Variants in PCDHGA4 observed in about 807,000 individuals in gnomAD.
PCDHGA4 encodes the protein protocadherin gamma subfamily A, 4.
A neutral mutation model predicts 54.6 loss-of-function variants in PCDHGA4; 38 were observed. The ratio of observed to expected loss-of-function variants is 0.70; its 90% CI spans 0.54 to 0.91. The LOEUF is 0.91. Ranked by LOEUF, PCDHGA4 falls within the 40% of genes least tolerant of loss-of-function variation. The pLI is 0.00. For missense variants in PCDHGA4, 1,298 were observed against 1,220.9 expected (o/e 1.06, Z -0.94); for synonymous variants, 511 against 512.9 (o/e 1.00, Z 0.05).
intron 1 of PCDHGA4, chr5:141,405,271 C>T: frequency 3.1e-6 from 5 of 1,614,094 alleles, no homozygotes; most frequent in Non-Finnish European, 4.2e-6. Flanking sequence ...TCCCCCAGCC[C>T]AACTATGCAG....
At chr5:141,443,498 C>G (rs1217918256) in intron 1 of PCDHGA4, among the ~76,000 whole-genome samples, 3 of 152,036 alleles carry the variant, frequency 2.0e-5, no homozygotes, top group Non-Finnish European at 4.4e-5. Context: ...AACAAACAAA[C>G]AAATAAAGAG....
chr5:141,381,826 C>CTTTTTTTTTTTTTTTTTTTTTTTTT (rs770630741), intron 1 of PCDHGA4, among the ~76,000 whole-genome samples: 4 of 74,290 alleles, frequency 5.4e-5, no homozygotes, highest in African/African-American at 1.2e-4. Context: ...CTTTCTTCTT[C>CTTTTTTTTTTTTTTTTTTTTTTTTT]TTTTTTTTTT....
chr5:141,450,150 G>T (rs1314865325), intron 1 of PCDHGA4, among the ~76,000 whole-genome samples: 1 of 150,342 alleles, frequency 6.7e-6, no homozygotes, highest in Non-Finnish European at 1.5e-5. Flanking sequence ...GGGACTACAG[G>T]CATGTGCCAC....
chr5:141,399,173 T>C, intron 1 of PCDHGA4: 1 of 1,613,830 alleles, frequency 6.2e-7, no homozygotes, highest in East Asian at 2.2e-5. Context: ...CATTCTCTAC[T>C]TGAAATGATT....
Position 141,361,067 on chromosome 5 carries a change from T to C in PCDHGA4, c.2514+3446T>C, listed in dbSNP as rs372172777. On this transcript the variant is annotated intron_variant, in intron 1 of 3. Transcript: ENST00000571252. ...ACAAAGGATGATTTGGATTTTGAGA[T>C]TGCAAGTAGTTACACTCTGAGTATC... 4.3e-6 allele frequency: 7 copies of C among 1,613,804 alleles called. 1 individual carries two copies. In the South Asian group the frequency reaches 5.5e-5, roughly 13 times the overall value.
chr5:141,370,192 G>T (rs1346847979), intron 1 of PCDHGA4: 1 of 524,194 alleles, frequency 1.9e-6, no homozygotes, highest in South Asian at 3.7e-5. Flanking sequence ...CTTGGCTAGT[G>T]CTGTGCAAAA....
chr5:141,404,244 C>A (rs1164182551), intron 1 of PCDHGA4: 2 of 1,613,758 alleles, frequency 1.2e-6, no homozygotes, highest in East Asian at 2.2e-5. Context: ...GGAACTCCGC[C>A]CCTGTCCACA....
In PCDHGA4 at chr5:141,432,088, A is replaced by T. The variant is rs144317211; in HGVS notation, c.2515-62719A>T. The T allele has an allele frequency of 2.9e-5, 47 of 1,614,148 alleles. No individual in the cohort carries two copies. In the African/African-American group the frequency reaches 5.7e-4, roughly 20 times the overall value. On this transcript the variant is annotated intron_variant, in intron 1 of 3. Transcript: ENST00000571252. This position sits in a 1 kb window ranked among gnomAD's most constrained non-coding sequence, Gnocchi z 6.0. Reference sequence around the variant, plus strand: ...AAACTCATATCTCGCTGAACGTGGCAGACACCAACGACAACCCGCCGGTCT... The same window carrying T: ...AAACTCATATCTCGCTGAACGTGGCTGACACCAACGACAACCCGCCGGTCT...
chr5:141,395,013 G>A, intron 1 of PCDHGA4: 2 of 1,614,064 alleles, frequency 1.2e-6, no homozygotes, highest in South Asian at 1.1e-5. Flanking sequence ...CAGATTGGTA[G>A]GCGTGCCTGC....
rs1160254496 is a variant in PCDHGA4, at chr5:141,361,417, G to A, written c.2514+3796G>A. The A allele has an allele frequency of 1.9e-6, 3 of 1,613,898 alleles. No individual in the cohort carries two copies. The highest frequency in any genetic ancestry group is 2.7e-5 in the African/African-American group (2 of 74,936). On this transcript the variant is annotated intron_variant, in intron 1 of 3. Coordinates refer to ENST00000571252, the MANE Select transcript of PCDHGA4 (RefSeq NM_018917.4). ...TCTCACCATCACAGCCACCGACGGG[G>A]GCAAGCCGCCCCTCTCCTCCAGCAT...
chr5:141,375,685 C>T (rs1771752072), intron 1 of PCDHGA4: 1 of 1,614,262 alleles, frequency 6.2e-7, no homozygotes, highest in Non-Finnish European at 8.5e-7. Flanking sequence ...GGGTGACAGC[C>T]AGCGACAGCG....
intron 1 of PCDHGA4, chr5:141,390,232 C>A: frequency 6.2e-7 from 1 of 1,614,020 alleles, no homozygotes. Context: ...GGTGATTCAT[C>A]TGGGGCCTTA....
At chr5:141,415,282 G>A in intron 1 of PCDHGA4, 1 of 1,614,224 alleles carries the variant, frequency 6.2e-7, no homozygotes, top group Non-Finnish European at 8.5e-7. Flanking sequence ...AGCGGTGGCC[G>A]CGGTCTCCTG....
intron 1 of PCDHGA4, chr5:141,418,301 C>T: frequency 6.2e-7 from 1 of 1,613,980 alleles, no homozygotes; most frequent in South Asian, 1.1e-5. Context: ...ATCCGTCAGC[C>T]TGGGGATGGG....
At chr5:141,462,648 C>T (rs2099044153) in intron 1 of PCDHGA4, among the ~76,000 whole-genome samples, 1 of 137,364 alleles carries the variant, frequency 7.3e-6, no homozygotes, top group Admixed American at 7.1e-5. Flanking sequence ...TCATTTCCAT[C>T]CTCAATTATC....
chr5:141,459,510 T>G (rs1449866159), intron 1 of PCDHGA4, among the ~76,000 whole-genome samples: 1 of 152,252 alleles, frequency 6.6e-6, no homozygotes, highest in Non-Finnish European at 1.5e-5. Context: ...TGAACAATCA[T>G]GTACAAGTAT....
chr5:141,360,404 T>C, intron 1 of PCDHGA4: 2 of 1,613,934 alleles, frequency 1.2e-6, no homozygotes, highest in South Asian at 1.1e-5. Flanking sequence ...AGTGACAGAA[T>C]AGACCGAGAA....
Position 141,403,685 on chromosome 5 carries a change from C to G in PCDHGA4, c.2514+46064C>G, listed in dbSNP as rs778849334. On this transcript the variant is annotated intron_variant, in intron 1 of 3. Coordinates refer to ENST00000571252, the MANE Select transcript of PCDHGA4 (RefSeq NM_018917.4). ...TGATAATGCCCCGGTTTTTGCTCAA[C>G]GGATTTACCGAGTTAAAGTCCTTGA... 8 of 1,613,704 alleles carry G rather than the reference C, an allele frequency of 5.0e-6. No homozygotes were observed. In the Admixed American group the frequency reaches 1.0e-4, roughly 20 times the overall value.
At chr5:141,458,735 A>G (rs2098952642) in intron 1 of PCDHGA4, among the ~76,000 whole-genome samples, 1 of 148,560 alleles carries the variant, frequency 6.7e-6, no homozygotes, top group East Asian at 2.0e-4. Context: ...ACATCCAGCT[A>G]TTGGTTTTGG....
Sources: gnomAD v4.1 joint callset for allele counts (sites outside exome capture counted in the v4.1 genomes callset) on GRCh38, gnomAD v4.1.1 for gene constraint, Gnocchi (gnomAD v3.1) non-coding constraint, MANE v1.5 for transcripts, NCBI Gene and HGNC (gene_info 2026-07-23, HGNC 2026-07-21) for gene names.